MOSMO: variants seen among roughly 807,000 people sequenced by gnomAD.
The protein encoded by MOSMO is modulator of smoothened protein.
In MOSMO, 5 loss-of-function variants were observed where a neutral mutation model predicts 18.4. That is an observed-to-expected ratio of 0.27 (90% CI 0.14 to 0.57). The LOEUF is 0.57. Ranked by LOEUF, MOSMO falls within the 20% of genes least tolerant of loss-of-function variation. The pLI is 0.92. For missense variants in MOSMO, 138 were observed against 211.8 expected, an observed-to-expected ratio of 0.65 and a Z score of 2.16; for synonymous variants, 82 against 82.3, an observed-to-expected ratio of 1.00 and a Z score of 0.02.
chr16:22,028,777 T>C (rs924816829), intron 1 of MOSMO, among the ~76,000 whole-genome samples: 4 of 152,246 alleles, frequency 2.6e-5, no homozygotes, highest in African/African-American at 9.6e-5. Flanking sequence ...TGTTCTCCCA[T>C]GTTTATACTC....
chr16:22,059,738 G>A (rs1220529008), intron 1 of MOSMO, among the ~76,000 whole-genome samples: 1 of 152,166 alleles, frequency 6.6e-6, no homozygotes, highest in East Asian at 1.9e-4. Flanking sequence ...CCATGATTCA[G>A]TTTCCTCTAC....
At position 22,081,755 on chromosome 16, in the gene MOSMO, A is replaced by G. The variant is rs968983613; in HGVS notation, c.*875A>G. On this transcript the variant is annotated 3_prime_UTR_variant, in exon 3 of 3. Transcript: ENST00000542527. Reference sequence around the variant, plus strand: ...AAACCTAGAACCCAATAGAAAAAAAAGCCATTTATCTGAAGGCTGCATAGT... The same window carrying G: ...AAACCTAGAACCCAATAGAAAAAAAGGCCATTTATCTGAAGGCTGCATAGT... 1.3e-5 allele frequency: 2 copies of G among 152,120 alleles called. No homozygotes were observed. Among genetic ancestry groups the G allele is most frequent in the South Asian group, 4.1e-4 (2 of 4,828 alleles). The allele number at this position is 152,120 out of a possible 1,614,324, so 9.4% of individuals were successfully genotyped here.
rs149954058 is a variant in MOSMO at position 22,019,493 on chromosome 16, C to A, written c.106+11086C>A. Among the ~76,000 whole-genome samples, 12 of 152,282 alleles carry A rather than the reference C, an allele frequency of 7.9e-5. No individual in the cohort carries two copies. In the East Asian group the frequency reaches 2.3e-3, roughly 29 times the overall value. On this transcript the variant is annotated intron_variant, in intron 1 of 2. Coordinates refer to ENST00000542527, the MANE Select transcript of MOSMO (RefSeq NM_001164579.2). Reference sequence around the variant, plus strand: ...ATTTTTTATGGTAGCATATCTGTGTCATGGTTATTTGTGTGGTACTTGCCC... The same window carrying A: ...ATTTTTTATGGTAGCATATCTGTGTAATGGTTATTTGTGTGGTACTTGCCC...
At chr16:22,055,696 T>C (rs1240781140) in intron 1 of MOSMO, among the ~76,000 whole-genome samples, 1 of 152,216 alleles carries the variant, frequency 6.6e-6, no homozygotes, top group Non-Finnish European at 1.5e-5. Flanking sequence ...TGAAAGTAAA[T>C]TCTTTCCAGA....
intron 1 of MOSMO, among the ~76,000 whole-genome samples, chr16:22,009,906 G>T (rs1899487932): frequency 6.8e-6 from 1 of 148,084 alleles, no homozygotes; most frequent in African/African-American, 2.5e-5. Context: ...CAGGAGAATC[G>T]CTTGAACCCG....
intron 1 of MOSMO, among the ~76,000 whole-genome samples, chr16:22,065,707 A>G (rs1461854809): frequency 1.3e-5 from 2 of 152,154 alleles, no homozygotes; most frequent in Non-Finnish European, 2.9e-5. Flanking sequence ...TTATCTCATT[A>G]TCTTGTTTAA....
In MOSMO at chr16:22,028,380, T is replaced by TA. The variant is rs397783793; in HGVS notation, c.106+19975dup. On this transcript the variant is annotated intron_variant, in intron 1 of 2. Transcript: ENST00000542527. ...GGATCTTTTTTATGTTTTTTTTTTTTAATTTTGATAAAATATGCATAACGA... is the reference window on the plus strand; with the variant it reads ...GGATCTTTTTTATGTTTTTTTTTTTTAAATTTTGATAAAATATGCATAACGA... Among the ~76,000 whole-genome samples the TA allele has an allele frequency of 5.3e-5, 8 of 151,306 alleles. No individual in the cohort carries two copies. The East Asian group carries it at 5.8e-4, about 11-fold the overall frequency.
intron 1 of MOSMO, among the ~76,000 whole-genome samples, chr16:22,014,685 A>T (rs1233152980): frequency 6.6e-6 from 1 of 152,202 alleles, no homozygotes; most frequent in Admixed American, 6.5e-5. Context: ...CTTTCCCTGG[A>T]ACTGTAACAA....
At chr16:22,078,226 G>A (rs1256755556) in intron 2 of MOSMO, among the ~76,000 whole-genome samples, 1 of 151,846 alleles carries the variant, frequency 6.6e-6, no homozygotes, top group African/African-American at 2.4e-5. Flanking sequence ...ATATGAAATT[G>A]TGTCTTTACA....
chr16:22,026,992 A>G (rs1417146280), intron 1 of MOSMO, among the ~76,000 whole-genome samples: 2 of 152,204 alleles, frequency 1.3e-5, no homozygotes, highest in Non-Finnish European at 2.9e-5. Flanking sequence ...CATTTTTTAA[A>G]TCACTCCTAA....
chr16:22,024,888 G>T (rs561897636), intron 1 of MOSMO, among the ~76,000 whole-genome samples: 21 of 152,182 alleles, frequency 1.4e-4, no homozygotes, highest in African/African-American at 5.1e-4. Context: ...CGGTTCATGT[G>T]CCTGTAATCT....
rs898963078 is a variant in MOSMO, at chr16:22,083,209, T to C, written c.*2329T>C. The C allele has an allele frequency of 6.6e-6, 1 of 152,258 alleles. No homozygotes were observed. The highest frequency in any genetic ancestry group is 2.4e-5 in the African/African-American group (1 of 41,462). 9.4% of individuals were successfully genotyped at this position (152,258 alleles called of 1,614,324 possible). On this transcript the variant is annotated 3_prime_UTR_variant, in exon 3 of 3. Coordinates refer to ENST00000542527, the MANE Select transcript of MOSMO (RefSeq NM_001164579.2). ...TGGGGAGAGAAAGTTTCTCAGCTGC[T>C]AAGAATTTCCCCACTGTTTACTTCT...
chr16:22,034,744 G>GTTTTTTTTTTTTTT (rs890874059), intron 1 of MOSMO, among the ~76,000 whole-genome samples: 3 of 55,456 alleles, frequency 5.4e-5, no homozygotes, highest in Non-Finnish European at 9.7e-5. Flanking sequence ...GTTTTTTTGG[G>GTTTTTTTTTTTTTT]TTTTTTTTTT....
At chr16:22,062,837 AGTGGTAGACCTG>A in intron 1 of MOSMO, among the ~76,000 whole-genome samples, 1 of 152,048 alleles carries the variant, frequency 6.6e-6, no homozygotes, top group Non-Finnish European at 1.5e-5. Flanking sequence ...ACAGCCAGTA[AGTGGTAGACCTG>A]GATTTCGGTC....
intron 1 of MOSMO, among the ~76,000 whole-genome samples, chr16:22,012,975 TG>T (rs1350844982): frequency 6.6e-6 from 1 of 152,082 alleles, no homozygotes; most frequent in African/African-American, 2.4e-5. Context: ...ATTGTATGTA[TG>T]GGGGAAGGCA....
intron 1 of MOSMO, among the ~76,000 whole-genome samples, chr16:22,067,597 C>T (rs376770236): frequency 9.9e-5 from 15 of 152,104 alleles, no homozygotes; most frequent in Non-Finnish European, 1.9e-4. Flanking sequence ...TGGTGGCTCA[C>T]GCCTGTAATC....
chr16:22,071,238 A>G (rs1480714029), intron 1 of MOSMO, among the ~76,000 whole-genome samples: 1 of 152,184 alleles, frequency 6.6e-6, no homozygotes, highest in Non-Finnish European at 1.5e-5. Context: ...GCCCCGTGAG[A>G]GGAGGAGAGC....
chr16:22,036,827 T>C (rs893029708), intron 1 of MOSMO, among the ~76,000 whole-genome samples: 1 of 152,172 alleles, frequency 6.6e-6, no homozygotes, highest in Non-Finnish European at 1.5e-5. Flanking sequence ...TGGACCCCAT[T>C]GTAAGGGCAG....
intron 1 of MOSMO, among the ~76,000 whole-genome samples, chr16:22,052,629 A>T (rs1367148167): frequency 6.6e-6 from 1 of 152,236 alleles, no homozygotes; most frequent in Non-Finnish European, 1.5e-5. Context: ...AGTAGAATAA[A>T]TAAATGTTGA....
Sources: gnomAD v4.1 joint callset for allele counts (sites outside exome capture counted in the v4.1 genomes callset) on GRCh38, gnomAD v4.1.1 for gene constraint, MANE v1.5 for transcripts, NCBI Gene and HGNC (gene_info 2026-07-23, HGNC 2026-07-21) for gene names.